The following RNLS variants were observed in gnomAD, a reference collection of about 807,000 sequenced individuals.
RNLS encodes the protein renalase, FAD dependent amine oxidase.
A neutral mutation model predicts 39.8 loss-of-function variants in RNLS; 39 were observed. The ratio of observed to expected loss-of-function variants is 0.98; its 90% CI spans 0.76 to 1.28. RNLS has a LOEUF of 1.28. Among genes scored for constraint, RNLS ranks in the 50% most tolerant of loss-of-function variants. The pLI, the probability that RNLS is intolerant of heterozygous loss-of-function variation, is 0.00. For missense variants in RNLS, 410 were observed against 413.3 expected, an observed-to-expected ratio of 0.99 and a Z score of 0.07; for synonymous variants, 147 against 150.7, an observed-to-expected ratio of 0.98 and a Z score of 0.18.
intron 5 of RNLS, among the ~76,000 whole-genome samples, chr10:88,355,724 T>A (rs974489650): frequency 3.5e-4 from 54 of 152,154 alleles, no homozygotes; most frequent in African/African-American, 1.3e-3. Flanking sequence ...GGAGAACCAC[T>A]ACTCTCTTCA....
rs79323947 is a variant in RNLS at position 88,480,065 on chromosome 10, T to C, written c.526+92838A>G. ...ATCATATTCTTAAATTACTGAGTTT[T>C]TGCATTGTACTTGGCTTGCCAGAAC... On this transcript the variant is annotated intron_variant, in intron 4 of 6. Coordinates refer to ENST00000331772, the MANE Select transcript of RNLS (RefSeq NM_001031709.3). Among the ~76,000 whole-genome samples the C allele has an allele frequency of 3.2e-4, 48 of 152,306 alleles. No homozygotes were observed. The East Asian group carries it at 5.6e-3, about 18-fold the overall frequency.
intron 6 of RNLS, among the ~76,000 whole-genome samples, chr10:88,286,123 G>A (rs1279457262): frequency 1.3e-5 from 2 of 152,056 alleles, no homozygotes; most frequent in Non-Finnish European, 2.9e-5. Context: ...TTTTGCTATA[G>A]CAGCCCAAAT....
At chr10:88,561,259 G>A (rs1288444290) in intron 4 of RNLS, among the ~76,000 whole-genome samples, 1 of 151,166 alleles carries the variant, frequency 6.6e-6, no homozygotes, top group Non-Finnish European at 1.5e-5. Context: ...AAATAAAGCT[G>A]TCTCATGTTT....
the RNLS span, among the ~76,000 whole-genome samples, chr10:88,186,337 A>C: frequency 1.3e-5 from 2 of 152,218 alleles, no homozygotes; most frequent in African/African-American, 4.8e-5. Context: ...CTCAGGATGG[A>C]GTTAACATCT....
chr10:88,505,004 G>T (rs1269160637), intron 4 of RNLS, among the ~76,000 whole-genome samples: 1 of 151,880 alleles, frequency 6.6e-6, no homozygotes, highest in African/African-American at 2.4e-5. Flanking sequence ...TTGTCAGCAT[G>T]ATCTCATCAC....
At chr10:88,278,860 T>G (rs867284321) in intron 6 of RNLS, among the ~76,000 whole-genome samples, 2 of 152,214 alleles carry the variant, frequency 1.3e-5, no homozygotes, top group African/African-American at 4.8e-5. Flanking sequence ...GATAATTCTG[T>G]GTCAGCAAGA....
chr10:88,480,392 T>A (rs2134015706), intron 4 of RNLS, among the ~76,000 whole-genome samples: 1 of 152,376 alleles, frequency 6.6e-6, no homozygotes, highest in Non-Finnish European at 1.5e-5. Flanking sequence ...TCTCCTTCCC[T>A]AAGATTTATG....
At chr10:88,432,371 T>C (rs1855184179) in intron 4 of RNLS, among the ~76,000 whole-genome samples, 1 of 151,938 alleles carries the variant, frequency 6.6e-6, no homozygotes, top group African/African-American at 2.4e-5. Flanking sequence ...GTGTTTGTTT[T>C]TGGCAGCATA....
chr10:88,456,433 G>A (rs1320990900), intron 4 of RNLS, among the ~76,000 whole-genome samples: 1 of 152,012 alleles, frequency 6.6e-6, no homozygotes, highest in Non-Finnish European at 1.5e-5. Context: ...ATGAGTATGA[G>A]AAAATGTTAG....
At chr10:88,476,076 TG>T (rs1401923232) in intron 4 of RNLS, among the ~76,000 whole-genome samples, 2 of 152,174 alleles carry the variant, frequency 1.3e-5, no homozygotes, top group Non-Finnish European at 2.9e-5. Flanking sequence ...ATGCAGATCC[TG>T]GGAGTCCAGA....
chr10:88,244,373 C>T, the RNLS span, among the ~76,000 whole-genome samples: 5 of 152,204 alleles, frequency 3.3e-5, no homozygotes, highest in Non-Finnish European at 7.3e-5. Context: ...TAGGAGGCAA[C>T]GCCCCCCCAT....
At chr10:88,319,173 C>T (rs940833004) in intron 5 of RNLS, among the ~76,000 whole-genome samples, 1 of 152,020 alleles carries the variant, frequency 6.6e-6, no homozygotes, top group Non-Finnish European at 1.5e-5. Flanking sequence ...AATGAAGGAC[C>T]CATACAGCAC....
chr10:88,573,944 C>G (rs1850006513), intron 3 of RNLS, among the ~76,000 whole-genome samples: 1 of 152,120 alleles, frequency 6.6e-6, no homozygotes, highest in Non-Finnish European at 1.5e-5. Context: ...AGTTTGAGAC[C>G]AGCCTGGCCA....
chr10:88,508,167 G>A (rs1034451090), intron 4 of RNLS, among the ~76,000 whole-genome samples: 2 of 152,192 alleles, frequency 1.3e-5, no homozygotes, highest in South Asian at 2.1e-4. Flanking sequence ...TCTGATTGAC[G>A]AACAGCTTGA....
At chr10:88,191,266 G>A in the RNLS span, among the ~76,000 whole-genome samples, 3,204 of 152,266 alleles carry the variant, frequency 0.021, 42 homozygotes, top group Middle Eastern at 0.037. Flanking sequence ...TACCTGCCAT[G>A]GCAAGTAGGA....
intron 4 of RNLS, among the ~76,000 whole-genome samples, chr10:88,534,346 G>A (rs748205292): frequency 9.9e-5 from 15 of 152,050 alleles, no homozygotes; most frequent in Non-Finnish European, 1.9e-4. Context: ...TAAATCCTCT[G>A]GACATGAACA....
chr10:88,325,101 T>C (rs1048148713), intron 5 of RNLS, among the ~76,000 whole-genome samples: 4 of 152,214 alleles, frequency 2.6e-5, no homozygotes, highest in Non-Finnish European at 5.9e-5. Flanking sequence ...GATGCTGCTA[T>C]GAACATTGCT....
chr10:88,462,866 A>G (rs1843005823), intron 4 of RNLS, among the ~76,000 whole-genome samples: 1 of 152,064 alleles, frequency 6.6e-6, no homozygotes, highest in African/African-American at 2.4e-5. Context: ...TAAAAATCAA[A>G]TCAGTATCTC....
rs61386966 is a variant in RNLS at position 88,365,516 on chromosome 10, A to AACACACACAC, written c.527-2801_527-2792dup. On this transcript the variant is annotated intron_variant, in intron 4 of 6. Coordinates refer to ENST00000331772, the MANE Select transcript of RNLS (RefSeq NM_001031709.3). ...TAATTCTCAGCCAATAGGATTATAT[A>AACACACACAC]ACACACACACACACACACACACACA... Among the ~76,000 whole-genome samples the AACACACACAC allele has an allele frequency of 1.9e-4, 28 of 145,910 alleles. No homozygotes were observed. The South Asian group carries it at 3.1e-3, about 16-fold the overall frequency.
Sources: allele counts gnomAD v4.1 joint callset (sites outside exome capture counted in the v4.1 genomes callset), GRCh38; gene constraint gnomAD v4.1.1; transcripts MANE v1.5; gene names NCBI Gene and HGNC (gene_info 2026-07-23, HGNC 2026-07-21).